The following CLPB variants were observed in gnomAD, a reference collection of about 807,000 sequenced individuals.
The protein encoded by CLPB is ClpB family mitochondrial disaggregase, also known as mitochondrial disaggregase.
In CLPB, 40 loss-of-function variants were observed where a neutral mutation model predicts 78.4. That is an observed-to-expected ratio of 0.51 (90% CI 0.40 to 0.66). CLPB has a LOEUF of 0.66. Ranked by LOEUF, CLPB falls within the 30% of genes least tolerant of loss-of-function variation. The pLI is 0.00. For synonymous variants in CLPB, 333 were observed against 348.0 expected, an observed-to-expected ratio of 0.96 and a Z score of 0.48; for missense variants, 780 against 886.9, an observed-to-expected ratio of 0.88 and a Z score of 1.53.
Position 72,317,183 on chromosome 11 carries a change from C to T in CLPB, c.911G>A (p.Arg304Gln), listed in dbSNP as rs777990580. Residue 304 changes from arginine to glutamine, a missense_variant, in exon 7 of 16, where the codon CGG becomes CAG. Physicochemically the swap from Arg to Gln is conservative, Grantham distance 43. This residue lies in a region of CLPB where 417 missense variants were observed against 414.7 expected (regional missense o/e 1.01). Transcript: ENST00000538039. The part of the protein sequence containing the change: ...EKQRKREAEE[R>Q]RRFPLEQRLK... ...TCGCTGCTCCAGGGGGAAGCGGCGC[C>T]GCTCCTCAGCCTCACGCTTCCGCTG... 5.6e-6 allele frequency: 9 copies of T among 1,612,210 alleles called. No homozygotes were observed. Among genetic ancestry groups the T allele is most frequent in the South Asian group, 4.4e-5 (4 of 90,770 alleles).
At position 72,329,707 on chromosome 11, in the gene CLPB, C is replaced by T; in HGVS notation, c.873G>A (p.Lys291=). The part of the protein sequence containing the change: ...VMKLLRTSEA[K]YQEKQRKREA... ...GCCTCCTCCCTTCCCTGAGACTTACCTTGGCTTCAGAAGTCCTCAGAAGCT... is the reference window on the plus strand; with the variant it reads ...GCCTCCTCCCTTCCCTGAGACTTACTTTGGCTTCAGAAGTCCTCAGAAGCT... Residue 291 remains lysine, a splice_region_variant and synonymous_variant, in exon 6 of 16, where the codon AAG becomes AAA. Transcript: ENST00000538039. 1 of 1,610,488 alleles carries T rather than the reference C, an allele frequency of 6.2e-7. No homozygotes were observed. The highest frequency in any genetic ancestry group is 8.5e-7 in the Non-Finnish European group (1 of 1,176,930).
chr11:72,414,677 T>G (rs1264992283), intron 2 of CLPB, among the ~76,000 whole-genome samples: 4 of 152,206 alleles, frequency 2.6e-5, no homozygotes, highest in African/African-American at 9.6e-5. Flanking sequence ...GAGCTCTTAT[T>G]CTGAGCTGGA....
At chr11:72,368,738 T>C (rs1213739324) in intron 4 of CLPB, among the ~76,000 whole-genome samples, 1 of 152,242 alleles carries the variant, frequency 6.6e-6, no homozygotes, top group Non-Finnish European at 1.5e-5. Flanking sequence ...AAACACATTC[T>C]TGATGGACAG....
intron 7 of CLPB, among the ~76,000 whole-genome samples, chr11:72,313,453 G>A (rs1210403283): frequency 2.6e-5 from 4 of 152,242 alleles, no homozygotes; most frequent in African/African-American, 4.8e-5. Flanking sequence ...CTAACATTGT[G>A]CGTGAGCTCA....
intron 5 of CLPB, among the ~76,000 whole-genome samples, chr11:72,338,606 C>T (rs1387075522): frequency 6.6e-6 from 1 of 152,250 alleles, no homozygotes; most frequent in Non-Finnish European, 1.5e-5. Context: ...GACTCGGGTT[C>T]ATCTTCCCTG....
At chr11:72,349,924 C>A (rs915386410) in intron 5 of CLPB, among the ~76,000 whole-genome samples, 1 of 152,220 alleles carries the variant, frequency 6.6e-6, no homozygotes, top group Non-Finnish European at 1.5e-5. Flanking sequence ...CCACTACTGG[C>A]GGTGATGAGG....
intron 4 of CLPB, among the ~76,000 whole-genome samples, chr11:72,379,518 C>G (rs182934509): frequency 1.3e-5 from 2 of 152,142 alleles, no homozygotes; most frequent in South Asian, 4.1e-4. Flanking sequence ...GAGGCACCCC[C>G]CAACAGACAC....
At position 72,354,315 on chromosome 11, in the gene CLPB, G is replaced by C. The variant is rs1950667134; in HGVS notation, c.775+4565C>G. ...TATATATATAGCTAGTACCATTTTA[G>C]ATTCCTGGGAGAGAAGTTAATTCCT... On this transcript the variant is annotated intron_variant, in intron 5 of 15. Coordinates refer to ENST00000538039, the MANE Select transcript of CLPB (RefSeq NM_001258392.3). 4 of 395,602 alleles carry C rather than the reference G, an allele frequency of 1.0e-5. No individual in the cohort carries two copies. The East Asian group carries it at 1.4e-4, about 14-fold the overall frequency. The allele number at this position is 395,602 out of a possible 1,614,324, so 24.5% of individuals were successfully genotyped here.
chr11:72,324,527 T>C (rs1226958902), intron 6 of CLPB, among the ~76,000 whole-genome samples: 1 of 151,736 alleles, frequency 6.6e-6, no homozygotes. Context: ...GACCGTGCCC[T>C]GCACTCGAGC....
At chr11:72,328,824 C>T (rs183512805) in intron 6 of CLPB, among the ~76,000 whole-genome samples, 2 of 152,290 alleles carry the variant, frequency 1.3e-5, no homozygotes, top group Non-Finnish European at 2.9e-5. Flanking sequence ...GCCCTGGGCT[C>T]CAGTTTCTCC....
At chr11:72,345,745 C>G (rs1046056950) in intron 5 of CLPB, among the ~76,000 whole-genome samples, 7 of 152,158 alleles carry the variant, frequency 4.6e-5, no homozygotes, top group African/African-American at 1.7e-4. Flanking sequence ...ATTAACCCAA[C>G]TGTATTTCAA....
chr11:72,347,990 G>A (rs1950546108), intron 5 of CLPB, among the ~76,000 whole-genome samples: 2 of 152,220 alleles, frequency 1.3e-5, no homozygotes, highest in African/African-American at 4.8e-5. Context: ...GGAAAGACAG[G>A]AAAGATTCTC....
At chr11:72,428,329 A>G (rs1009555068) in intron 2 of CLPB, among the ~76,000 whole-genome samples, 2 of 152,164 alleles carry the variant, frequency 1.3e-5, no homozygotes, top group African/African-American at 4.8e-5. Context: ...TCTGCAAGTC[A>G]GCCTTAACTG....
intron 3 of CLPB, among the ~76,000 whole-genome samples, chr11:72,383,807 C>T (rs1164268873): frequency 6.6e-6 from 1 of 152,136 alleles, no homozygotes. Flanking sequence ...TTTATCACCA[C>T]CAGACCTGTC....
chr11:72,298,345 G>A (rs563804328), intron 11 of CLPB, among the ~76,000 whole-genome samples: 6 of 152,256 alleles, frequency 3.9e-5, no homozygotes, highest in South Asian at 2.1e-4. Flanking sequence ...TGTCCCTAGC[G>A]CAGCACCGAC....
chr11:72,410,265 A>C (rs1398388652), intron 2 of CLPB, among the ~76,000 whole-genome samples: 4 of 152,130 alleles, frequency 2.6e-5, no homozygotes, highest in Non-Finnish European at 5.9e-5. Flanking sequence ...AGGCTCTGTT[A>C]CTTACTAAGT....
intron 10 of CLPB, 24 bp downstream of exon 10, chr11:72,302,279 TC>T (rs763494936): frequency 4.6e-5 from 74 of 1,612,574 alleles, no homozygotes; most frequent in Non-Finnish European, 5.9e-5. Context: ...AAACCATGCT[TC>T]AATCAAGGAC....
intron 2 of CLPB, 67 bp from the exon 3 acceptor site, chr11:72,403,119 A>G (rs761076246): frequency 9.2e-5 from 133 of 1,439,718 alleles, no homozygotes; most frequent in Non-Finnish European, 1.2e-4. Flanking sequence ...CAACAGCCTA[A>G]AACAAGACAG....
intron 3 of CLPB, among the ~76,000 whole-genome samples, chr11:72,399,480 A>G (rs919886301): frequency 3.9e-5 from 6 of 152,240 alleles, no homozygotes; most frequent in African/African-American, 1.2e-4. Context: ...ATTATAAATT[A>G]AATTATTGTG....
Sources: gnomAD v4.1 joint callset for allele counts (sites outside exome capture counted in the v4.1 genomes callset) on GRCh38, gnomAD v4.1.1 for gene constraint, gnomAD v4.1.1 regional missense constraint, MANE v1.5 for transcripts, NCBI Gene and HGNC (gene_info 2026-07-23, HGNC 2026-07-21) for gene names.